The following MAGI1 variants were observed in gnomAD, a reference collection of about 807,000 sequenced individuals.
MAGI1 encodes the protein membrane-associated guanylate kinase, WW and PDZ domain-containing protein 1.
A neutral mutation model predicts 139.9 loss-of-function variants in MAGI1; 58 were observed. The ratio of observed to expected loss-of-function variants is 0.41; its 90% CI spans 0.34 to 0.52. MAGI1 has a LOEUF of 0.52. MAGI1 is among the 20% of genes least tolerant of loss of function. The probability of loss-of-function intolerance (pLI) is 0.12; values close to 1 mark genes in which losing one functional copy is unlikely to be tolerated. For synonymous variants in MAGI1, 812 were observed against 737.9 expected (o/e 1.10, Z -1.63); for missense variants, 1,874 against 1,901.6 (o/e 0.99, Z 0.27).
chr3:65,410,236 G>A (rs9849133), intron 12 of MAGI1, among the ~76,000 whole-genome samples: 45,016 of 152,126 alleles, frequency 0.3, 7,623 homozygotes, highest in South Asian at 0.44. Context: ...TGTGAAGTAT[G>A]CCTAAAGGTT....
chr3:65,619,734 C>G (rs922857752), intron 2 of MAGI1: 11 of 425,258 alleles, frequency 2.6e-5, no homozygotes, highest in African/African-American at 2.4e-4. Context: ...CGAAAGAATC[C>G]CAAGTAAGCC....
intron 1 of MAGI1, among the ~76,000 whole-genome samples, chr3:65,717,254 G>A (rs1032708646): frequency 3.3e-5 from 5 of 152,160 alleles, no homozygotes; most frequent in Admixed American, 2.6e-4. Flanking sequence ...TCAACCAGTG[G>A]TTCTCAACTG....
intron 1 of MAGI1, among the ~76,000 whole-genome samples, chr3:65,932,584 G>A (rs763664427): frequency 2.0e-5 from 3 of 152,118 alleles, no homozygotes; most frequent in Non-Finnish European, 2.9e-5. Flanking sequence ...GATTGCCTTA[G>A]GCATCGGCAC....
intron 2 of MAGI1, among the ~76,000 whole-genome samples, chr3:65,578,772 C>T (rs913835649): frequency 3.9e-5 from 6 of 152,006 alleles, no homozygotes; most frequent in Admixed American, 3.9e-4. Flanking sequence ...ATACAAGAAA[C>T]TAGCGGGGCG....
At chr3:65,452,761 T>C (rs1949109670) in intron 6 of MAGI1, 8 of 153,724 alleles carry the variant, frequency 5.2e-5, no homozygotes, top group Admixed American at 5.1e-4. Context: ...ATTGTGGGTA[T>C]ACTCTAAGTT....
At chr3:65,833,186 T>TG (rs138457305) in intron 1 of MAGI1, among the ~76,000 whole-genome samples, 2,296 of 151,962 alleles carry the variant, frequency 0.015, 61 homozygotes, top group African/African-American at 0.049. Context: ...GATGTGATCT[T>TG]GGGGTCACTG....
At chr3:65,888,730 T>C (rs78021146) in intron 1 of MAGI1, among the ~76,000 whole-genome samples, 1,675 of 152,214 alleles carry the variant, frequency 0.011, 35 homozygotes, top group African/African-American at 0.038. Flanking sequence ...TAATTTCTCC[T>C]TTCTAAAAAA....
At chr3:65,856,935 G>C (rs930614464) in intron 1 of MAGI1, among the ~76,000 whole-genome samples, 5 of 152,206 alleles carry the variant, frequency 3.3e-5, no homozygotes, top group African/African-American at 1.2e-4. Context: ...TCTTAATCCA[G>C]TGACATATTA....
intron 1 of MAGI1, among the ~76,000 whole-genome samples, chr3:65,702,540 A>T (rs941655771): frequency 2.0e-5 from 3 of 152,106 alleles, no homozygotes; most frequent in Non-Finnish European, 4.4e-5. Flanking sequence ...ACTTTCTAGA[A>T]TTAATTACCA....
At chr3:65,655,699 A>C (rs185106442) in intron 1 of MAGI1, among the ~76,000 whole-genome samples, 208 of 152,308 alleles carry the variant, frequency 1.4e-3, no homozygotes, top group Non-Finnish European at 2.4e-3. Context: ...GACAGAATAG[A>C]AATGGAAGCA....
In MAGI1 at chr3:65,768,865, C is replaced by T. The variant is rs116280010; in HGVS notation, c.314-146777G>A. 6.4e-3 allele frequency among the ~76,000 whole-genome samples: 972 copies of T among 152,220 alleles called. 1 individual carries two copies. Among genetic ancestry groups the T allele is most frequent in the Middle Eastern group, 0.01 (3 of 294 alleles). On this transcript the variant is annotated intron_variant, in intron 1 of 22. Transcript: ENST00000402939. Reference sequence around the variant, plus strand: ...AATGTGTTTAAGAAGATAAAAACTGCTCCGTACAGAGAATAATATTTTCCC... The same window carrying T: ...AATGTGTTTAAGAAGATAAAAACTGTTCCGTACAGAGAATAATATTTTCCC...
At chr3:65,561,335 C>T (rs978387400) in intron 2 of MAGI1, among the ~76,000 whole-genome samples, 1 of 152,086 alleles carries the variant, frequency 6.6e-6, no homozygotes, top group Admixed American at 6.6e-5. Context: ...ACAGGACACC[C>T]AATCTATGGC....
intron 12 of MAGI1, among the ~76,000 whole-genome samples, chr3:65,413,367 G>A (rs1945940190): frequency 6.6e-6 from 1 of 152,132 alleles, no homozygotes; most frequent in African/African-American, 2.4e-5. Flanking sequence ...ACAGGTCATG[G>A]TTAACAACAG....
intron 2 of MAGI1, among the ~76,000 whole-genome samples, chr3:65,556,253 A>C (rs1229965355): frequency 6.6e-6 from 1 of 152,252 alleles, no homozygotes; most frequent in Non-Finnish European, 1.5e-5. Context: ...GTACTTTTCC[A>C]GACATTAGCT....
intron 12 of MAGI1, among the ~76,000 whole-genome samples, 187 bp downstream of exon 12, chr3:65,429,333 A>G (rs1231056217): frequency 1.3e-5 from 2 of 152,104 alleles, no homozygotes; most frequent in African/African-American, 2.4e-5. Flanking sequence ...TTCTAACTGC[A>G]TATGTCTGTC....
intron 1 of MAGI1, among the ~76,000 whole-genome samples, chr3:65,708,194 C>G (rs781317719): frequency 3.3e-5 from 5 of 152,172 alleles, no homozygotes; most frequent in African/African-American, 1.2e-4. Context: ...ACAGATAGGA[C>G]CCAACCTGGC....
chr3:65,376,051 T>G, intron 17 of MAGI1, 106 bp from the exon 18 acceptor site: 1 of 790,710 alleles, frequency 1.3e-6, no homozygotes, highest in Non-Finnish European at 2.0e-6. Flanking sequence ...GTTAATAAAT[T>G]AAAGCATTAA....
At chr3:65,640,725 G>A (rs890468697) in intron 1 of MAGI1, among the ~76,000 whole-genome samples, 1 of 152,116 alleles carries the variant, frequency 6.6e-6, no homozygotes, top group African/African-American at 2.4e-5. Flanking sequence ...CGAATATATT[G>A]CTTATATACT....
chr3:65,651,371 C>G (rs1326465302), intron 1 of MAGI1, among the ~76,000 whole-genome samples: 2 of 152,138 alleles, frequency 1.3e-5, no homozygotes, highest in Admixed American at 6.5e-5. Context: ...GGAGCTAAGG[C>G]AAAGTAGCCA....
Sources: allele counts gnomAD v4.1 joint callset (sites outside exome capture counted in the v4.1 genomes callset), GRCh38; gene constraint gnomAD v4.1.1; transcripts MANE v1.5; gene names NCBI Gene and HGNC (gene_info 2026-07-23, HGNC 2026-07-21).